The following ASAP2 variants were observed in gnomAD, a reference collection of about 807,000 sequenced individuals.
ASAP2 encodes the protein ArfGAP with SH3 domain, ankyrin repeat and PH domain 2.
Under a neutral mutation model 131.4 loss-of-function variants are expected in ASAP2, and 45 were observed. That is an observed-to-expected ratio of 0.34 (90% CI 0.27 to 0.44). The LOEUF (loss-of-function observed/expected upper bound fraction) is 0.44, where lower values mean the gene tolerates loss of function less well. ASAP2 is among the 20% of genes least tolerant of loss of function. The probability of loss-of-function intolerance (pLI) is 1.00; values close to 1 mark genes in which losing one functional copy is unlikely to be tolerated. For synonymous variants in ASAP2, 510 were observed against 503.0 expected (o/e 1.01, Z -0.19); for missense variants, 1,011 against 1,297.0 (o/e 0.78, Z 3.39).
chr2:9,273,566 C>T (rs1666555879), intron 1 of ASAP2, among the ~76,000 whole-genome samples: 1 of 152,210 alleles, frequency 6.6e-6, no homozygotes, highest in South Asian at 2.1e-4. Context: ...TTATTCGAAT[C>T]AGTCTCCTGG....
At chr2:9,305,288 GTGT>G (rs1668806533) in intron 3 of ASAP2, among the ~76,000 whole-genome samples, 1 of 151,082 alleles carries the variant, frequency 6.6e-6, no homozygotes. Flanking sequence ...ATAGATGTTG[GTGT>G]AGAGGCTGTA....
chr2:9,237,039 G>A (rs1663603069), intron 1 of ASAP2, among the ~76,000 whole-genome samples: 1 of 152,200 alleles, frequency 6.6e-6, no homozygotes, highest in South Asian at 2.1e-4. Flanking sequence ...CATGGCCAAG[G>A]GGAGGGGAAG....
At chr2:9,279,956 T>G (rs1667023639) in intron 2 of ASAP2, among the ~76,000 whole-genome samples, 1 of 152,106 alleles carries the variant, frequency 6.6e-6, no homozygotes, top group South Asian at 2.1e-4. Context: ...TAGCATACCT[T>G]CCCTTGTACA....
chr2:9,240,963 A>G (rs1407001125), intron 1 of ASAP2, among the ~76,000 whole-genome samples: 2 of 152,214 alleles, frequency 1.3e-5, no homozygotes, highest in Non-Finnish European at 2.9e-5. Flanking sequence ...TGCCAGACAA[A>G]GGGAGGAGTC....
Position 9,327,846 on chromosome 2 carries a change from A to G in ASAP2, c.621A>G (p.Glu207=), listed in dbSNP as rs1670578793. ...QMCEYLLKVN[E]IKIKKGVDLL... is the part of the protein sequence containing the mutation. Reference sequence around the variant, plus strand: ...AACAGTATCTGCTGAAGGTCAACGAAATCAAGATTAAAAAGGGAGTAGATT... The same window carrying G: ...AACAGTATCTGCTGAAGGTCAACGAGATCAAGATTAAAAAGGGAGTAGATT... Residue 207 remains glutamate (E), a synonymous_variant, in exon 7 of 28, where the codon GAA becomes GAG. Transcript: ENST00000281419. The G allele has an allele frequency of 6.3e-7, 1 of 1,592,428 alleles. No individual in the cohort carries two copies. The highest frequency in any genetic ancestry group is 2.3e-5 in the East Asian group (1 of 43,682).
chr2:9,276,032 G>A (rs961624186), intron 1 of ASAP2, among the ~76,000 whole-genome samples: 3 of 152,214 alleles, frequency 2.0e-5, no homozygotes, highest in Non-Finnish European at 4.4e-5. Flanking sequence ...CACGTAGTAA[G>A]TCCTGGGCTC....
intron 14 of ASAP2, among the ~76,000 whole-genome samples, chr2:9,357,005 A>T (rs1672754977): frequency 1.3e-5 from 2 of 152,142 alleles, no homozygotes; most frequent in Admixed American, 1.3e-4. Context: ...CTGAACATTT[A>T]TAAAATGAAA....
At chr2:9,284,228 C>T (rs1230943285) in intron 2 of ASAP2, among the ~76,000 whole-genome samples, 2 of 152,256 alleles carry the variant, frequency 1.3e-5, no homozygotes, top group African/African-American at 4.8e-5. Context: ...CTGTCTACCA[C>T]ACCTCTCCTG....
rs186251077 is a variant in ASAP2 at position 9,352,626 on chromosome 2, A to G, written c.1111+1731A>G. Among the ~76,000 whole-genome samples the G allele has an allele frequency of 9.2e-5, 14 of 152,346 alleles. No individual in the cohort carries two copies. In the East Asian group the frequency reaches 2.5e-3, roughly 27 times the overall value. On this transcript the variant is annotated intron_variant, in intron 12 of 27. Transcript: ENST00000281419. ...ACAGCAGGCAGCAGGGAGGATCAGTAGACGGCAAGTGTGCATGCCTCCCTT... is the reference window on the plus strand; with the variant it reads ...ACAGCAGGCAGCAGGGAGGATCAGTGGACGGCAAGTGTGCATGCCTCCCTT...
At chr2:9,234,674 G>A (rs1663414226) in intron 1 of ASAP2, among the ~76,000 whole-genome samples, 1 of 152,154 alleles carries the variant, frequency 6.6e-6, no homozygotes, top group Non-Finnish European at 1.5e-5. Flanking sequence ...GTAGAGCCAA[G>A]GTGAAGGAAG....
Position 9,311,801 on chromosome 2 carries a change from C to T in ASAP2, c.346-6723C>T, listed in dbSNP as rs1224571475. Reference sequence around the variant, plus strand: ...CACCTGCCGAGAAGCGCGTCTGGCCCCCACGCACTTGTTCTCTGGCCCAGA... The same window carrying T: ...CACCTGCCGAGAAGCGCGTCTGGCCTCCACGCACTTGTTCTCTGGCCCAGA... On this transcript the variant is annotated intron_variant, in intron 3 of 27. Transcript: ENST00000281419. The surrounding 1 kb of genome is among the most constrained non-coding windows in gnomAD (Gnocchi z 5.2). 6.6e-6 allele frequency among the ~76,000 whole-genome samples: 1 copy of T among 152,152 alleles called. No individual in the cohort carries two copies. Among genetic ancestry groups the T allele is most frequent in the Non-Finnish European group, 1.5e-5 (1 of 68,034 alleles).
At chr2:9,259,106 C>T (rs1423149172) in intron 1 of ASAP2, among the ~76,000 whole-genome samples, 6 of 152,236 alleles carry the variant, frequency 3.9e-5, no homozygotes, top group Non-Finnish European at 8.8e-5. Context: ...GGTTCAGCCT[C>T]TTCCCCTTAC....
At chr2:9,393,723 G>A in intron 24 of ASAP2, 76 bp downstream of exon 24, 1 of 1,424,776 alleles carries the variant, frequency 7.0e-7, no homozygotes, top group Non-Finnish European at 9.4e-7. Context: ...CTGCAGGAAT[G>A]TTTGCAATCC....
chr2:9,256,874 G>T (rs1510796), intron 1 of ASAP2, among the ~76,000 whole-genome samples: 1 of 152,014 alleles, frequency 6.6e-6, no homozygotes, highest in Non-Finnish European at 1.5e-5. Flanking sequence ...TCTCTTAGCC[G>T]CTTGTCCTGT....
At chr2:9,233,462 T>G (rs981542221) in intron 1 of ASAP2, among the ~76,000 whole-genome samples, 1 of 152,256 alleles carries the variant, frequency 6.6e-6, no homozygotes, top group Non-Finnish European at 1.5e-5. Context: ...AGATTTTACT[T>G]TTTAAGTAAC....
At chr2:9,267,913 A>AAG (rs1666055183) in intron 1 of ASAP2, among the ~76,000 whole-genome samples, 1 of 151,056 alleles carries the variant, frequency 6.6e-6, no homozygotes, top group African/African-American at 2.4e-5. Flanking sequence ...AAAAAAAAAA[A>AAG]AAAAAAAAAG....
chr2:9,338,400 G>A (rs1671363342), intron 9 of ASAP2, among the ~76,000 whole-genome samples: 2 of 151,764 alleles, frequency 1.3e-5, no homozygotes, highest in African/African-American at 4.8e-5. Flanking sequence ...ATCCTGTCTA[G>A]TAGGATGTGA....
chr2:9,277,210 A>C (rs922052689), intron 1 of ASAP2, among the ~76,000 whole-genome samples: 8 of 152,210 alleles, frequency 5.3e-5, no homozygotes, highest in Non-Finnish European at 2.9e-5. Flanking sequence ...GCTGTCTGAC[A>C]TGTGGTCTAA....
chr2:9,245,937 C>T (rs1486055825), intron 1 of ASAP2, among the ~76,000 whole-genome samples: 1 of 152,168 alleles, frequency 6.6e-6, no homozygotes, highest in Non-Finnish European at 1.5e-5. Flanking sequence ...GTGAGCCCCA[C>T]ATTTGATTAT....
Sources: allele counts gnomAD v4.1 joint callset (sites outside exome capture counted in the v4.1 genomes callset), GRCh38; gene constraint gnomAD v4.1.1; non-coding constraint Gnocchi (gnomAD v3.1); transcripts MANE v1.5; gene names NCBI Gene and HGNC (gene_info 2026-07-23, HGNC 2026-07-21).